GOLGA2: variants seen among roughly 807,000 people sequenced by gnomAD.
GOLGA2 encodes golgin subfamily A member 2.
GOLGA2 carries 49 observed loss-of-function variants against 148.8 expected under a neutral mutation model. That is an observed-to-expected ratio of 0.33 (90% CI 0.26 to 0.42). The LOEUF is 0.42. GOLGA2 is among the 10% of genes least tolerant of loss of function. GOLGA2 has a pLI of 1.00. For missense variants in GOLGA2, 1,178 were observed against 1,304.6 expected (o/e 0.90, Z 1.49); for synonymous variants, 501 against 511.8 (o/e 0.98, Z 0.28).
chr9:128,261,915 G>A lies in GOLGA2; in HGVS notation c.1135-158C>T. ...TAGAAATAAAAAATAATTTTAAAAA[G>A]ATCTCAGGCCAGGCATGGTGGCTGA... is the stretch of plus-strand genomic sequence containing the variant. On this transcript the variant is annotated intron_variant, in intron 14 of 26. Transcript: ENST00000611957. This position sits in a 1 kb window ranked among gnomAD's most constrained non-coding sequence, Gnocchi z 5.7. 1.7e-6 allele frequency: 1 copy of A among 598,946 alleles called. No homozygotes were observed. The highest frequency in any genetic ancestry group is 3.0e-6 in the Non-Finnish European group (1 of 337,092). 37.1% of individuals were successfully genotyped at this position (598,946 alleles called of 1,614,324 possible). A position where few individuals can be genotyped will look rare whatever the true frequency, so the allele number is the denominator to read the frequency against.
At chr9:128,265,194 A>G (rs1262555027) in intron 12 of GOLGA2, among the ~76,000 whole-genome samples, 1 of 152,192 alleles carries the variant, frequency 6.6e-6, no homozygotes, top group Non-Finnish European at 1.5e-5. Flanking sequence ...TTTTATGTAT[A>G]TTGTCATAGT....
chr9:128,267,034 T>G, intron 8 of GOLGA2, 160 bp downstream of exon 8: 1 of 669,802 alleles, frequency 1.5e-6, no homozygotes, highest in Non-Finnish European at 2.7e-6. Flanking sequence ...CCATGCTGCA[T>G]GCTCCGTGCT....
At position 128,257,044 on chromosome 9, in the gene GOLGA2, G is replaced by A. The variant is rs148499646; in HGVS notation, c.*23C>T. Reference sequence around the variant, plus strand: ...AGGGTATCCAGCCCCACTTCTTCAGGCTTTGCTGACAGTAGCCGGCTTTTA... The same window carrying A: ...AGGGTATCCAGCCCCACTTCTTCAGACTTTGCTGACAGTAGCCGGCTTTTA... On this transcript the variant is annotated 3_prime_UTR_variant, in exon 27 of 27. Transcript: ENST00000611957. This position sits in a 1 kb window ranked among gnomAD's most constrained non-coding sequence, Gnocchi z 8.0. 1.4e-3 allele frequency: 2,276 copies of A among 1,575,046 alleles called. 21 individuals carry two copies. The African/African-American group carries it at 0.026, about 18-fold the overall frequency.
Position 128,261,637 on chromosome 9 carries a change from C to T in GOLGA2, c.1224+31G>A. 1 of 1,553,042 alleles carries T rather than the reference C, an allele frequency of 6.4e-7. No homozygotes were observed. Reference sequence around the variant, plus strand: ...ACTCCTGGCCACCTGGGGTCATCTTCCTTCTACATCCCTCCCCTGCAAAGC... The same window carrying T: ...ACTCCTGGCCACCTGGGGTCATCTTTCTTCTACATCCCTCCCCTGCAAAGC... On this transcript the variant is annotated intron_variant, in intron 15 of 26. Coordinates refer to ENST00000611957, the MANE Select transcript of GOLGA2 (RefSeq NM_001366244.2). The surrounding 1 kb of genome is among the most constrained non-coding windows in gnomAD (Gnocchi z 5.7).
Position 128,266,359 on chromosome 9 carries a change from G to T in GOLGA2, c.643-34C>A, listed in dbSNP as rs1336193346. The T allele has an allele frequency of 1.9e-6, 3 of 1,599,958 alleles. No individual in the cohort carries two copies. ...AAGAGTCAAAGGAAGGTGACTGAGG[G>T]TGGCCCCCTCAACTCTATTCCCCAG... On this transcript the variant is annotated intron_variant, in intron 8 of 26. Coordinates refer to ENST00000611957, the MANE Select transcript of GOLGA2 (RefSeq NM_001366244.2). The surrounding 1 kb of genome is among the most constrained non-coding windows in gnomAD (Gnocchi z 4.2).
In GOLGA2 at chr9:128,261,115, A is replaced by T. The variant is rs1830244754; in HGVS notation, c.1420+57T>A. 1 of 1,191,590 alleles carries T rather than the reference A, an allele frequency of 8.4e-7. No homozygotes were observed. Among genetic ancestry groups the T allele is most frequent in the East Asian group, 2.3e-5 (1 of 42,866 alleles). 73.8% of individuals were successfully genotyped at this position (1,191,590 alleles called of 1,614,324 possible). A position where few individuals can be genotyped will look rare whatever the true frequency, so the allele number is the denominator to read the frequency against. On this transcript the variant is annotated intron_variant, in intron 17 of 26. Transcript: ENST00000611957. This position sits in a 1 kb window ranked among gnomAD's most constrained non-coding sequence, Gnocchi z 5.7. The stretch of plus-strand genomic sequence containing the variant: ...CCAACTCCCTGGGGCATTCTAAACC[A>T]CCCCCACAACCCTCTGACACCATTC...
intron 3 of GOLGA2, among the ~76,000 whole-genome samples, chr9:128,272,446 T>C (rs1831013265): frequency 6.6e-6 from 1 of 150,908 alleles, no homozygotes; most frequent in East Asian, 1.9e-4. Context: ...ATTGTGCCAC[T>C]GCACTCCAGC....
rs201549832 is a variant in GOLGA2, at chr9:128,257,745, G to C, written c.2612-38C>G. Reference sequence around the variant, plus strand: ...AGGGCTCAGATGCTGGGTTCCCTCCGACCGCTGTGCAGCTCCTCCTGCCGT... The same window carrying C: ...AGGGCTCAGATGCTGGGTTCCCTCCCACCGCTGTGCAGCTCCTCCTGCCGT... On this transcript the variant is annotated intron_variant, in intron 24 of 26. Transcript: ENST00000611957. This position sits in a 1 kb window ranked among gnomAD's most constrained non-coding sequence, Gnocchi z 8.0. 2 of 1,609,312 alleles carry C rather than the reference G, an allele frequency of 1.2e-6. No individual in the cohort carries two copies. Among genetic ancestry groups the C allele is most frequent in the South Asian group, 2.2e-5 (2 of 90,990 alleles).
Position 128,262,582 on chromosome 9 carries a change from G to A in GOLGA2, c.1115C>T (p.Thr372Met), listed in dbSNP as rs367742744. The stretch of plus-strand genomic sequence containing the variant: ...TCTTGCCTGTTGAAGCAGGAGTTCC[G>A]TCATCTCTAACTTCTTTTGCAATTC... Reference protein sequence around the residue: ...LEELQKKLEMTELLLQQFSSR... With the variant: ...LEELQKKLEMMELLLQQFSSR... The change falls in exon 14 of 27, where the codon ACG becomes ATG. Residue 372 changes from threonine to methionine, a missense_variant. Thr to Met is a moderately conservative substitution (Grantham distance 81). Around this residue, in one of 5 missense-constraint regions of GOLGA2, gnomAD observed 304 missense variants for 404.1 expected, o/e 0.75. Transcript: ENST00000611957. 60 of 1,614,016 alleles carry A rather than the reference G, an allele frequency of 3.7e-5. No homozygotes were observed. The highest frequency in any genetic ancestry group is 1.9e-4 in the African/African-American group (14 of 75,040).
At chr9:128,269,544 C>T (rs1830805951) in intron 3 of GOLGA2, among the ~76,000 whole-genome samples, 1 of 152,174 alleles carries the variant, frequency 6.6e-6, no homozygotes, top group Non-Finnish European at 1.5e-5. Context: ...GAGCCTCTCC[C>T]TTGCCCCCAA....
In GOLGA2 at chr9:128,258,541, C is replaced by G. The variant is rs1387952935; in HGVS notation, c.2203G>C (p.Asp735His). The change falls in exon 22 of 27, where the codon GAT becomes CAT. Residue 735 changes from aspartate (D) to histidine (H), a missense_variant. Asp to His is a moderately conservative substitution (Grantham distance 81, BLOSUM62 -1). Coordinates refer to ENST00000611957, the MANE Select transcript of GOLGA2 (RefSeq NM_001366244.2). This position sits in a 1 kb window ranked among gnomAD's most constrained non-coding sequence, Gnocchi z 6.6. ...GDGLDREEEE[D>H]EEEEEEEAVA... is the part of the protein sequence containing the mutation. The stretch of plus-strand genomic sequence containing the variant: ...GCCTCCTCCTCCTCCTCCTCCTCAT[C>G]CTCCTCCTCCTCCCGGTCCAGTCCA... 2.0e-6 allele frequency: 3 copies of G among 1,526,096 alleles called. No individual in the cohort carries two copies. The highest frequency in any genetic ancestry group is 1.2e-5 in the South Asian group (1 of 80,204). The allele number at this position is 1,526,096 out of a possible 1,614,324, so 94.5% of individuals were successfully genotyped here. A position where few individuals can be genotyped will look rare whatever the true frequency, so the allele number is the denominator to read the frequency against.
chr9:128,259,405 C>A lies in GOLGA2; in HGVS notation c.1873-14G>T, dbSNP rs1319640665. 1.3e-6 allele frequency: 2 copies of A among 1,540,818 alleles called. No homozygotes were observed. The highest frequency in any genetic ancestry group is 2.4e-5 in the East Asian group (1 of 42,422). On this transcript the variant is annotated splice_polypyrimidine_tract_variant and intron_variant, in intron 19 of 26. Coordinates refer to ENST00000611957, the MANE Select transcript of GOLGA2 (RefSeq NM_001366244.2). ...CTTCAGCTCCACCTGTAGGAAGACC[C>A]TGGGCGTGAGGGCAGGTGGTGGCCT...
At position 128,275,965 on chromosome 9, in the gene GOLGA2, T is replaced by A. The variant is rs754013673; in HGVS notation, c.12A>T (p.Gln4His). Residue 4 changes from glutamine (Q) to histidine (H), a missense_variant, in exon 1 of 27, where the codon CAA (glutamine) becomes CAT (histidine). Gln to His is a conservative substitution (Grantham distance 24). Transcript: ENST00000611957. MWP[Q>H]PRLPPRPAMS... is the part of the protein sequence containing the mutation. ...TCGCGGGGCGGGGAGGGAGGCGGGG[T>A]TGGGGCCACATCAGCGCGATCCCGG... 1 of 1,590,426 alleles carries A rather than the reference T, an allele frequency of 6.3e-7. No homozygotes were observed. Among genetic ancestry groups the A allele is most frequent in the Non-Finnish European group, 8.6e-7 (1 of 1,168,746 alleles).
intron 1 of GOLGA2, 50 bp downstream of exon 1, chr9:128,275,843 C>T: frequency 2.1e-6 from 2 of 954,656 alleles, no homozygotes; most frequent in African/African-American, 1.7e-5. Context: ...GTCCTGCCAT[C>T]GGAGTGGGGC....
chr9:128,257,843 A>C lies in GOLGA2; in HGVS notation c.2558T>G (p.Val853Gly). 6.2e-7 allele frequency: 1 copy of C among 1,613,792 alleles called. No homozygotes were observed. Among genetic ancestry groups the C allele is most frequent in the Non-Finnish European group, 8.5e-7 (1 of 1,179,932 alleles). The change falls in exon 24 of 27, where the codon GTA (valine) becomes GGA (glycine). Residue 853 changes from valine to glycine, a missense_variant. This residue lies in a region of GOLGA2 where 529 missense variants were observed against 521.8 expected (regional missense o/e 1.01). Coordinates refer to ENST00000611957, the MANE Select transcript of GOLGA2 (RefSeq NM_001366244.2). The surrounding 1 kb of genome is among the most constrained non-coding windows in gnomAD (Gnocchi z 8.0). Reference protein sequence around the residue: ...MQEKADLKERVEELEHRCIQL... With the variant: ...MQEKADLKERGEELEHRCIQL... ...GATGCAGCGATGTTCCAGTTCCTCT[A>C]CCCTCTCCTTCAGGTCTGCCTTCTC... is the stretch of plus-strand genomic sequence containing the variant.
Position 128,258,489 on chromosome 9 carries a change from C to T in GOLGA2, c.2255G>A (p.Ser752Asn), listed in dbSNP as rs2131332705. The T allele has an allele frequency of 6.2e-7, 1 of 1,612,274 alleles. No individual in the cohort carries two copies. The highest frequency in any genetic ancestry group is 8.5e-7 in the Non-Finnish European group (1 of 1,179,418). Residue 752 changes from serine (S) to asparagine (N), a missense_variant, in exon 22 of 27, where the codon AGC (serine) becomes AAC (asparagine). This residue lies in a region of GOLGA2 where 529 missense variants were observed against 521.8 expected (regional missense o/e 1.01). Transcript: ENST00000611957. This position sits in a 1 kb window ranked among gnomAD's most constrained non-coding sequence, Gnocchi z 6.6. ...EAVAVPQPMPSIPEDLESREA... is the reference protein window; with the variant it reads ...EAVAVPQPMPNIPEDLESREA... ...CCGGCTCTCCAGGTCCTCCGGGATG[C>T]TTGGCATGGGCTGAGGTACTGCCAC...
intron 19 of GOLGA2, among the ~76,000 whole-genome samples, chr9:128,259,615 C>T (rs981951832): frequency 5.9e-5 from 9 of 152,216 alleles, no homozygotes; most frequent in South Asian, 2.1e-4. Flanking sequence ...CTGGTGGAAA[C>T]GCAGAGGGAG....
rs1156941000 is a variant in GOLGA2 at position 128,271,737 on chromosome 9, A to G, written c.288+1048T>C. Among the ~76,000 whole-genome samples the G allele has an allele frequency of 6.6e-6, 1 of 152,114 alleles. No individual in the cohort carries two copies. Among genetic ancestry groups the G allele is most frequent in the African/African-American group, 2.4e-5 (1 of 41,424 alleles). ...CGAGCTGAGCATTTGGAATGTTCCA[A>G]AATTCTCTCTTGCCTCCTTCAGAGG... On this transcript the variant is annotated intron_variant, in intron 3 of 26. Coordinates refer to ENST00000611957, the MANE Select transcript of GOLGA2 (RefSeq NM_001366244.2). This position sits in a 1 kb window ranked among gnomAD's most constrained non-coding sequence, Gnocchi z 4.4.
chr9:128,275,963 G>A lies in GOLGA2; in HGVS notation c.14C>T (p.Pro5Leu). 1.3e-6 allele frequency: 2 copies of A among 1,596,112 alleles called. No individual in the cohort carries two copies. Among genetic ancestry groups the A allele is most frequent in the South Asian group, 2.2e-5 (2 of 90,164 alleles). The change falls in exon 1 of 27, where the codon CCC (proline) becomes CTC (leucine). Residue 5 changes from proline (P) to leucine (L), a missense_variant. Coordinates refer to ENST00000611957, the MANE Select transcript of GOLGA2 (RefSeq NM_001366244.2). MWPQPRLPPRPAMSE... is the reference protein window; with the variant it reads MWPQLRLPPRPAMSE... ...CATCGCGGGGCGGGGAGGGAGGCGG[G>A]GTTGGGGCCACATCAGCGCGATCCC...
Sources: allele counts gnomAD v4.1 joint callset (sites outside exome capture counted in the v4.1 genomes callset), GRCh38; gene constraint gnomAD v4.1.1; regional missense constraint gnomAD v4.1.1; non-coding constraint Gnocchi (gnomAD v3.1); transcripts MANE v1.5; gene names NCBI Gene and HGNC (gene_info 2026-07-23, HGNC 2026-07-21).